CFAP184: variants seen among roughly 807,000 people sequenced by gnomAD.
The protein encoded by CFAP184 is cilia- and flagella-associated protein 184.
the CFAP184 span, chr4:7,042,592 C>T: frequency 6.5e-7 from 1 of 1,538,856 alleles, no homozygotes; most frequent in Non-Finnish European, 8.7e-7. Context: ...TTCCTCGGGC[C>T]CGGCTCCGGG....
the CFAP184 span, chr4:7,042,018 C>A: frequency 1.2e-6 from 2 of 1,612,226 alleles, no homozygotes; most frequent in Non-Finnish European, 1.7e-6. Context: ...GGCCCAGCTC[C>A]TGGTGGTACC....
chr4:7,042,299 C>G, the CFAP184 span: 1 of 1,592,832 alleles, frequency 6.3e-7, no homozygotes, highest in Non-Finnish European at 8.6e-7. Flanking sequence ...TGGACCTCCT[C>G]GGACCACTCG....
the CFAP184 span, chr4:7,042,541 G>A: frequency 1.3e-6 from 2 of 1,591,132 alleles, no homozygotes; most frequent in Non-Finnish European, 1.7e-6. Flanking sequence ...CTTCCCCTCT[G>A]CCGCCTGCTC....
chr4:7,042,299 C>A, the CFAP184 span: 14 of 1,592,714 alleles, frequency 8.8e-6, no homozygotes, highest in African/African-American at 1.3e-4. Context: ...TGGACCTCCT[C>A]GGACCACTCG....
the CFAP184 span, chr4:7,041,999 G>A: frequency 6.2e-7 from 1 of 1,612,234 alleles, no homozygotes. Flanking sequence ...TGGCACTGCC[G>A]CTTCAACTGG....
At chr4:7,041,613 T>TA in the CFAP184 span, 1 of 1,614,148 alleles carries the variant, frequency 6.2e-7, no homozygotes, top group Non-Finnish European at 8.5e-7. Context: ...CGTGGGTTAT[T>TA]ACTTGCACAC....
At chr4:7,041,254 T>G in the CFAP184 span, 3 of 1,547,136 alleles carry the variant, frequency 1.9e-6, no homozygotes, top group Admixed American at 6.2e-5. Flanking sequence ...TTTTGCAGAC[T>G]CTTCTCATCG....
chr4:7,042,853 T>A, the CFAP184 span: 1 of 1,577,444 alleles, frequency 6.3e-7, no homozygotes, highest in East Asian at 2.3e-5. Flanking sequence ...AGAGCTGGCC[T>A]TGATCTTGGA....
chr4:7,042,326 C>G, the CFAP184 span: 11 of 1,601,046 alleles, frequency 6.9e-6, no homozygotes, highest in Admixed American at 8.4e-5. Flanking sequence ...TCAAACTCGT[C>G]CCTTCCATAG....
At chr4:7,042,250 T>C in the CFAP184 span, 3 of 1,596,134 alleles carry the variant, frequency 1.9e-6, no homozygotes, top group South Asian at 1.1e-5. Flanking sequence ...ACGGTACTGG[T>C]CCAGGAGGTC....
chr4:7,042,103 T>C, the CFAP184 span: 603 of 1,608,550 alleles, frequency 3.7e-4, 1 homozygote, highest in Admixed American at 4.8e-4. Flanking sequence ...TTGCTCTTTC[T>C]CGGGGGCCTC....
chr4:7,042,707 C>A, the CFAP184 span: 3 of 1,512,796 alleles, frequency 2.0e-6, no homozygotes, highest in African/African-American at 4.2e-5. Flanking sequence ...TCGCCCGCAG[C>A]CTCGGCTGCC....
At chr4:7,042,415 G>C in the CFAP184 span, 3 of 1,611,878 alleles carry the variant, frequency 1.9e-6, no homozygotes, top group African/African-American at 4.0e-5. Flanking sequence ...GTCTCTCTGC[G>C]TCTCCTCCTT....
chr4:7,042,256 A>C, the CFAP184 span: 2 of 1,594,920 alleles, frequency 1.3e-6, no homozygotes, highest in South Asian at 2.2e-5. Context: ...CTGGTCCAGG[A>C]GGTCGCTGCG....
chr4:7,042,433 TCCTCCC>T, the CFAP184 span: 1 of 1,611,640 alleles, frequency 6.2e-7, no homozygotes, highest in Non-Finnish European at 8.5e-7. Flanking sequence ...CTTGTCCTCT[TCCTCCC>T]CCTCCACCCG....
the CFAP184 span, chr4:7,042,458 C>A: frequency 2.5e-6 from 4 of 1,611,140 alleles, no homozygotes; most frequent in Non-Finnish European, 3.4e-6. Flanking sequence ...CGCTCTGTCT[C>A]GGCCTCCGGG....
At chr4:7,041,251 G>A in the CFAP184 span, 1 of 1,544,872 alleles carries the variant, frequency 6.5e-7, no homozygotes, top group Non-Finnish European at 8.7e-7. Flanking sequence ...GTGTTTTGCA[G>A]ACTCTTCTCA....
the CFAP184 span, chr4:7,042,527 C>G: frequency 6.3e-7 from 1 of 1,598,876 alleles, no homozygotes; most frequent in South Asian, 1.1e-5. Flanking sequence ...TGGAACCTGA[C>G]TTCCTTCCCC....
At chr4:7,042,319 A>G in the CFAP184 span, 2 of 1,599,368 alleles carry the variant, frequency 1.3e-6, no homozygotes, top group Non-Finnish European at 1.7e-6. Flanking sequence ...GAGGTCCTCA[A>G]ACTCGTCCCT....
Sources: allele counts gnomAD v4.1 joint callset, GRCh38; gene constraint gnomAD v4.1.1; transcripts MANE v1.5; gene names NCBI Gene and HGNC (gene_info 2026-07-23, HGNC 2026-07-21).